The following ENDOD1 variants were observed in gnomAD, a reference collection of about 807,000 sequenced individuals.
ENDOD1 encodes the protein endonuclease domain containing 1.
A neutral mutation model predicts 6.5 loss-of-function variants in ENDOD1; 9 were observed. The ratio of observed to expected loss-of-function variants is 1.39; its 90% CI spans 0.84 to 2.43. The LOEUF (loss-of-function observed/expected upper bound fraction) is 2.43. Among genes scored for constraint, ENDOD1 ranks in the 30% most tolerant of loss-of-function variants. The pLI, the probability that ENDOD1 is intolerant of heterozygous loss-of-function variation, is 0.00. For missense variants in ENDOD1, 648 were observed against 635.5 expected (o/e 1.02, Z -0.21); for synonymous variants, 255 against 255.2 (o/e 1.00, Z 0.01).
chr11:95,105,455 C>T (rs576037075), intron 1 of ENDOD1, among the ~76,000 whole-genome samples: 2 of 152,136 alleles, frequency 1.3e-5, no homozygotes, highest in South Asian at 4.2e-4. Context: ...TTCCGGGGTG[C>T]ATGTGCAGGA....
intron 1 of ENDOD1, among the ~76,000 whole-genome samples, chr11:95,120,480 C>T (rs1437862584): frequency 1.3e-5 from 2 of 152,068 alleles, no homozygotes; most frequent in East Asian, 1.9e-4. Context: ...GGCCTAGAAA[C>T]GGGGCCTCAC....
At position 95,096,416 on chromosome 11, in the gene ENDOD1, T is replaced by C. The variant is rs113200785; in HGVS notation, c.300+6189T>C. On this transcript the variant is annotated intron_variant, in intron 1 of 1. Coordinates refer to ENST00000278505, the MANE Select transcript of ENDOD1 (RefSeq NM_015036.3). Reference sequence around the variant, plus strand: ...ATGAAAAAGAAACTGACTCATAGGCTGAACCAAGAATAGAAGCACCGTTTA... The same window carrying C: ...ATGAAAAAGAAACTGACTCATAGGCCGAACCAAGAATAGAAGCACCGTTTA... Among the ~76,000 whole-genome samples the C allele has an allele frequency of 7.9e-3, 1,199 of 152,178 alleles. 17 individuals carry two copies. The highest frequency in any genetic ancestry group is 0.028 in the African/African-American group (1,143 of 41,506).
chr11:95,095,412 C>T (rs527655410), intron 1 of ENDOD1, among the ~76,000 whole-genome samples: 1 of 1,466 alleles, frequency 6.8e-4, no homozygotes, highest in South Asian at 0.016. Flanking sequence ...AAGTGCCTGA[C>T]CCAGGGGATG....
chr11:95,106,258 T>C lies in ENDOD1; in HGVS notation c.300+16031T>C, dbSNP rs1221607056. Among the ~76,000 whole-genome samples, 8 of 152,298 alleles carry C rather than the reference T, an allele frequency of 5.3e-5. No homozygotes were observed. In the East Asian group the frequency reaches 1.5e-3, roughly 29 times the overall value. Reference sequence around the variant, plus strand: ...AGCACAGGAGCTGTGAGGTCAGAGCTGAGGCTTGGCACCCAGATAGGATTT... The same window carrying C: ...AGCACAGGAGCTGTGAGGTCAGAGCCGAGGCTTGGCACCCAGATAGGATTT... On this transcript the variant is annotated intron_variant, in intron 1 of 1. Transcript: ENST00000278505.
At chr11:95,118,395 TTC>T (rs1174767455) in intron 1 of ENDOD1, among the ~76,000 whole-genome samples, 5 of 152,186 alleles carry the variant, frequency 3.3e-5, no homozygotes, top group Non-Finnish European at 5.9e-5. Flanking sequence ...AAGTGGTTAT[TTC>T]TTATTCATGT....
chr11:95,090,495 G>A (rs1858920007), intron 1 of ENDOD1, among the ~76,000 whole-genome samples: 1 of 152,192 alleles, frequency 6.6e-6, no homozygotes, highest in African/African-American at 2.4e-5. Flanking sequence ...TGTGGGAGGA[G>A]GTTCTCCCTG....
intron 1 of ENDOD1, among the ~76,000 whole-genome samples, chr11:95,103,469 A>T (rs910161751): frequency 6.6e-6 from 1 of 152,156 alleles, no homozygotes; most frequent in South Asian, 2.1e-4. Context: ...AGATCTTAGG[A>T]CTAAATCAAG....
intron 1 of ENDOD1, among the ~76,000 whole-genome samples, chr11:95,108,230 A>G (rs1859110883): frequency 6.6e-6 from 1 of 152,168 alleles, no homozygotes; most frequent in African/African-American, 2.4e-5. Flanking sequence ...CGAACGTTTT[A>G]TCTTCCGTTC....
At chr11:95,107,667 TTTTG>T (rs1375230420) in intron 1 of ENDOD1, among the ~76,000 whole-genome samples, 6 of 152,038 alleles carry the variant, frequency 3.9e-5, no homozygotes, top group Non-Finnish European at 7.4e-5. Context: ...GCACACTTTT[TTTTG>T]TTTGTTTGAG....
chr11:95,098,100 A>G (rs1212187051), intron 1 of ENDOD1, among the ~76,000 whole-genome samples: 4 of 152,088 alleles, frequency 2.6e-5, no homozygotes, highest in Non-Finnish European at 5.9e-5. Context: ...TCAGTACTCA[A>G]AAAGCTTTGG....
At chr11:95,126,009 G>A (rs569676658) in intron 1 of ENDOD1, among the ~76,000 whole-genome samples, 1 of 152,280 alleles carries the variant, frequency 6.6e-6, no homozygotes, top group Non-Finnish European at 1.5e-5. Flanking sequence ...GATCCCTGAG[G>A]AATCTCCACA....
rs200574254 is a variant in ENDOD1 at position 95,115,555 on chromosome 11, G to C, written c.301-12822G>C. On this transcript the variant is annotated intron_variant, in intron 1 of 1. Transcript: ENST00000278505. ...GCTATGTTGCATAATGATGGTGAAA[G>C]TGGGCATCCTTGTCATGTTTCATAT... is the stretch of plus-strand genomic sequence containing the variant. 3.0e-4 allele frequency among the ~76,000 whole-genome samples: 46 copies of C among 152,226 alleles called. No individual in the cohort carries two copies. The East Asian group carries it at 8.7e-3, about 29-fold the overall frequency.
chr11:95,128,937 C>T lies in ENDOD1; in HGVS notation c.861C>T (p.Asn287=), dbSNP rs12419981. ...TGAAAAAAATCCTGGAAGTGGTTAA[C>T]CAAATCCAGGATGAAGAACGAATGG... ...EKMKKILEVV[N]QIQDEERMVQ... Residue 287 remains asparagine, a synonymous_variant, in exon 2 of 2, where the codon AAC becomes AAT. Coordinates refer to ENST00000278505, the MANE Select transcript of ENDOD1 (RefSeq NM_015036.3). 2 of 1,613,916 alleles carry T rather than the reference C, an allele frequency of 1.2e-6. No individual in the cohort carries two copies. Among genetic ancestry groups the T allele is most frequent in the Admixed American group, 3.3e-5 (2 of 59,986 alleles).
chr11:95,123,588 C>CAAAAAAAAA (rs71930134), intron 1 of ENDOD1, among the ~76,000 whole-genome samples: 3 of 134,982 alleles, frequency 2.2e-5, no homozygotes, highest in South Asian at 2.3e-4. Flanking sequence ...GTATAAATAC[C>CAAAAAAAAA]AAAAAAAAAA....
chr11:95,128,616 C>T lies in ENDOD1; in HGVS notation c.540C>T (p.Ser180=). The change falls in exon 2 of 2, where the codon AGC becomes AGT. Residue 180 remains serine (S), a synonymous_variant. Transcript: ENST00000278505. The part of the protein sequence containing the change: ...FQERWYVNLH[S]LMDRALTPQC... ...AACGGTGGTATGTGAATCTCCACAG[C>T]CTAATGGACCGGGCTTTGACCCCAC... is the stretch of plus-strand genomic sequence containing the variant. The T allele has an allele frequency of 6.2e-7, 1 of 1,614,206 alleles. No individual in the cohort carries two copies. Among genetic ancestry groups the T allele is most frequent in the Non-Finnish European group, 8.5e-7 (1 of 1,180,040 alleles).
chr11:95,098,354 C>T (rs1859006240), intron 1 of ENDOD1, among the ~76,000 whole-genome samples: 1 of 152,086 alleles, frequency 6.6e-6, no homozygotes, highest in Non-Finnish European at 1.5e-5. Context: ...TCTTAATACG[C>T]ACACAAAACA....
chr11:95,107,073 A>G (rs564752652), intron 1 of ENDOD1, among the ~76,000 whole-genome samples: 39 of 152,186 alleles, frequency 2.6e-4, no homozygotes, highest in East Asian at 9.8e-4. Context: ...AGAGTGATCA[A>G]TGAGAACCTG....
intron 1 of ENDOD1, among the ~76,000 whole-genome samples, chr11:95,111,791 G>A (rs1409051088): frequency 2.0e-5 from 3 of 152,164 alleles, no homozygotes; most frequent in African/African-American, 7.2e-5. Flanking sequence ...CCCTGGGGTT[G>A]GAGACCCCTG....
At chr11:95,121,254 T>A (rs2134172944) in intron 1 of ENDOD1, among the ~76,000 whole-genome samples, 1 of 152,308 alleles carries the variant, frequency 6.6e-6, no homozygotes, top group East Asian at 1.9e-4. Context: ...CTTGCTGTGC[T>A]CCCTCTTCAT....
Sources: gnomAD v4.1 joint callset for allele counts (sites outside exome capture counted in the v4.1 genomes callset) on GRCh38, gnomAD v4.1.1 for gene constraint, MANE v1.5 for transcripts, NCBI Gene and HGNC (gene_info 2026-07-23, HGNC 2026-07-21) for gene names.